The following CSMD1 variants were observed in gnomAD, a reference collection of about 807,000 sequenced individuals.
The protein encoded by CSMD1 is CUB and Sushi multiple domains 1.
CSMD1 carries 213 observed loss-of-function variants against 417.5 expected under a neutral mutation model. That is an observed-to-expected ratio of 0.51 (90% CI 0.46 to 0.57). CSMD1 has a LOEUF of 0.57. CSMD1 is among the 20% of genes least tolerant of loss of function. The pLI is 0.00. For missense variants in CSMD1, 6,923 were observed against 4,529.7 expected (o/e 1.53, Z -15.17); for synonymous variants, 2,862 against 1,736.8 (o/e 1.65, Z -16.11).
chr8:4,393,085 C>T lies in CSMD1; in HGVS notation c.415+26868G>A, dbSNP rs191793672. Among the ~76,000 whole-genome samples, 21 of 152,246 alleles carry T rather than the reference C, an allele frequency of 1.4e-4. No homozygotes were observed. The East Asian group carries it at 3.5e-3, about 25-fold the overall frequency. On this transcript the variant is annotated intron_variant, in intron 3 of 69. Coordinates refer to ENST00000635120, the MANE Select transcript of CSMD1 (RefSeq NM_033225.6). ...CCGCCTCCGGGGTTCAAGCGATTCT[C>T]GTGCCTCAATCTCCCGAGTAGCTGG...
At chr8:3,647,028 C>T (rs1421440718) in intron 7 of CSMD1, among the ~76,000 whole-genome samples, 1 of 152,178 alleles carries the variant, frequency 6.6e-6, no homozygotes, top group Admixed American at 6.5e-5. Flanking sequence ...TCTTTCCTGC[C>T]ACTTCTGGTG....
intron 5 of CSMD1, among the ~76,000 whole-genome samples, chr8:3,815,897 C>G (rs555918235): frequency 2.0e-5 from 3 of 152,108 alleles, no homozygotes; most frequent in African/African-American, 7.2e-5. Context: ...AAATTATCAT[C>G]AAGAGTAAAT....
intron 1 of CSMD1, among the ~76,000 whole-genome samples, chr8:4,835,127 G>A (rs565343380): frequency 2.0e-5 from 3 of 151,912 alleles, no homozygotes; most frequent in Non-Finnish European, 2.9e-5. Context: ...TATTAAGGCG[G>A]CAACTCTAGA....
intron 2 of CSMD1, among the ~76,000 whole-genome samples, chr8:4,427,830 G>C (rs780503946): frequency 6.6e-6 from 1 of 152,034 alleles, no homozygotes; most frequent in Non-Finnish European, 1.5e-5. Flanking sequence ...TTAACCTATT[G>C]AATAATTCTT....
intron 25 of CSMD1, among the ~76,000 whole-genome samples, chr8:3,294,420 G>A (rs1242350527): frequency 2.0e-5 from 3 of 152,198 alleles, no homozygotes; most frequent in African/African-American, 7.2e-5. Context: ...TGCCTGCAGA[G>A]GTGGAGTCTA....
rs900291872 is a variant in CSMD1, at chr8:4,834,651, G to T, written c.85+159681C>A. On this transcript the variant is annotated intron_variant, in intron 1 of 69. Transcript: ENST00000635120. ...GAAGTAGCTAGCTAGTGAAAAAGAA[G>T]AATGAATTAAAAGGAAAAAAAAAGG... Among the ~76,000 whole-genome samples, 3 of 151,690 alleles carry T rather than the reference G, an allele frequency of 2.0e-5. No individual in the cohort carries two copies. In the South Asian group the frequency reaches 6.3e-4, roughly 32 times the overall value.
intron 10 of CSMD1, among the ~76,000 whole-genome samples, chr8:3,545,463 T>G (rs982889387): frequency 2.2e-4 from 33 of 152,314 alleles, no homozygotes; most frequent in Admixed American, 5.9e-4. Context: ...AAGGTAAATT[T>G]TCCAGGCCTA....
At chr8:3,397,070 A>G (rs923820125) in intron 16 of CSMD1, among the ~76,000 whole-genome samples, 9 of 152,234 alleles carry the variant, frequency 5.9e-5, no homozygotes, top group East Asian at 1.9e-4. Context: ...ATATATATAT[A>G]TAAAGTTGCA....
chr8:4,434,949 T>C lies in CSMD1; in HGVS notation c.303-14884A>G, dbSNP rs1464476243. Among the ~76,000 whole-genome samples the C allele has an allele frequency of 2.6e-5, 4 of 152,198 alleles. No individual in the cohort carries two copies. The South Asian group carries it at 8.3e-4, about 32-fold the overall frequency. On this transcript the variant is annotated intron_variant, in intron 2 of 69. Coordinates refer to ENST00000635120, the MANE Select transcript of CSMD1 (RefSeq NM_033225.6). Reference sequence around the variant, plus strand: ...AAGTGACAACAGATGTTAAAACCAATTATTTCCTATAGAAAAAATGATGTA... The same window carrying C: ...AAGTGACAACAGATGTTAAAACCAACTATTTCCTATAGAAAAAATGATGTA...
intron 3 of CSMD1, among the ~76,000 whole-genome samples, chr8:4,208,342 A>G (rs946793767): frequency 2.6e-5 from 4 of 152,188 alleles, no homozygotes; most frequent in African/African-American, 9.6e-5. Context: ...TCTTATTTGA[A>G]TCCTTCCTGG....
chr8:4,728,492 G>A (rs1174441524), intron 1 of CSMD1, among the ~76,000 whole-genome samples: 1 of 152,050 alleles, frequency 6.6e-6, no homozygotes, highest in Admixed American at 6.6e-5. Context: ...CATGTAGCAG[G>A]TTCTCAGCGA....
chr8:3,993,292 T>G (rs544570720), intron 5 of CSMD1, among the ~76,000 whole-genome samples: 1 of 152,298 alleles, frequency 6.6e-6, no homozygotes, highest in East Asian at 1.9e-4. Flanking sequence ...TCCTTTAATT[T>G]TGGGGCACGT....
chr8:3,780,851 G>C lies in CSMD1; in HGVS notation c.819-26809C>G, dbSNP rs1799138691. 1.3e-5 allele frequency among the ~76,000 whole-genome samples: 2 copies of C among 152,162 alleles called. 1 individual carries two copies. Among genetic ancestry groups the C allele is most frequent in the Non-Finnish European group, 2.9e-5 (2 of 68,032 alleles). ...AACAATTTCCTCAATAATTTTCTCT[G>C]CTTATTGGATATTTTGAGATTTGCA... On this transcript the variant is annotated intron_variant, in intron 5 of 69. Coordinates refer to ENST00000635120, the MANE Select transcript of CSMD1 (RefSeq NM_033225.6).
intron 51 of CSMD1, among the ~76,000 whole-genome samples, chr8:3,028,580 C>A (rs7017216): frequency 0.21 from 31,630 of 152,078 alleles, 3,413 homozygotes; most frequent in East Asian, 0.32. Context: ...TGGTGAAGAG[C>A]TTGTGGTACG....
At chr8:4,937,498 A>C (rs1807701059) in intron 1 of CSMD1, among the ~76,000 whole-genome samples, 1 of 152,230 alleles carries the variant, frequency 6.6e-6, no homozygotes, top group African/African-American at 2.4e-5. Flanking sequence ...GAGATTTACA[A>C]AGCACAGAAT....
At chr8:3,413,203 G>A (rs1216471014) in intron 12 of CSMD1, among the ~76,000 whole-genome samples, 1 of 152,202 alleles carries the variant, frequency 6.6e-6, no homozygotes, top group African/African-American at 2.4e-5. Flanking sequence ...GTTTCATTCT[G>A]CCTCTGTGAT....
intron 2 of CSMD1, among the ~76,000 whole-genome samples, chr8:4,572,632 T>C (rs1798943864): frequency 1.3e-5 from 2 of 152,272 alleles, no homozygotes; most frequent in Non-Finnish European, 2.9e-5. Context: ...TGAGCGGTGT[T>C]CTCTGTATTT....
At chr8:3,042,122 G>A (rs1229000166) in intron 50 of CSMD1, among the ~76,000 whole-genome samples, 1 of 152,148 alleles carries the variant, frequency 6.6e-6, no homozygotes, top group Non-Finnish European at 1.5e-5. Context: ...AGGCAGGAGG[G>A]TGATGGGGAC....
At chr8:3,480,103 A>T (rs1050424123) in intron 11 of CSMD1, among the ~76,000 whole-genome samples, 1 of 152,148 alleles carries the variant, frequency 6.6e-6, no homozygotes, top group African/African-American at 2.4e-5. Context: ...TCACATCTGT[A>T]ATCTCAGCAC....
Sources: gnomAD v4.1 joint callset for allele counts (sites outside exome capture counted in the v4.1 genomes callset) on GRCh38, gnomAD v4.1.1 for gene constraint, MANE v1.5 for transcripts, NCBI Gene and HGNC (gene_info 2026-07-23, HGNC 2026-07-21) for gene names.